The following CNTNAP5 variants were observed in gnomAD, a reference collection of about 807,000 sequenced individuals.
The protein encoded by CNTNAP5 is contactin-associated protein-like 5.
Under a neutral mutation model 150.2 loss-of-function variants are expected in CNTNAP5, and 72 were observed. That is an observed-to-expected ratio of 0.48 (90% CI 0.40 to 0.58). The LOEUF (loss-of-function observed/expected upper bound fraction) is 0.58, where lower values mean the gene tolerates loss of function less well. CNTNAP5 is among the 20% of genes least tolerant of loss of function. The pLI, the probability that CNTNAP5 is intolerant of heterozygous loss-of-function variation, is 0.00. For missense variants in CNTNAP5, 1,636 were observed against 1,626.2 expected, an observed-to-expected ratio of 1.01 and a Z score of -0.10; for synonymous variants, 672 against 619.8, an observed-to-expected ratio of 1.08 and a Z score of -1.25.
At chr2:124,357,089 C>A (rs1176916307) in intron 3 of CNTNAP5, among the ~76,000 whole-genome samples, 1 of 152,162 alleles carries the variant, frequency 6.6e-6, no homozygotes, top group Admixed American at 6.5e-5. Context: ...GTGCTTTTGG[C>A]TGCATAAATG....
chr2:124,622,260 T>C (rs1397251642), intron 12 of CNTNAP5, among the ~76,000 whole-genome samples: 2 of 152,184 alleles, frequency 1.3e-5, no homozygotes, highest in Non-Finnish European at 2.9e-5. Flanking sequence ...CTGAGGATAA[T>C]GGCTTCCACC....
At chr2:124,358,383 GT>G (rs1284833373) in intron 3 of CNTNAP5, among the ~76,000 whole-genome samples, 4 of 152,146 alleles carry the variant, frequency 2.6e-5, no homozygotes, top group African/African-American at 9.7e-5. Context: ...TCTTGTGCCA[GT>G]TTTCAAAGGG....
At chr2:124,198,399 C>G (rs913124271) in intron 1 of CNTNAP5, among the ~76,000 whole-genome samples, 2 of 152,060 alleles carry the variant, frequency 1.3e-5, no homozygotes, top group Non-Finnish European at 2.9e-5. Context: ...TATACAGAAG[C>G]GCTTAGTTTT....
intron 11 of CNTNAP5, among the ~76,000 whole-genome samples, chr2:124,588,141 TCC>T (rs1481217481): frequency 2.1e-4 from 29 of 141,006 alleles, no homozygotes; most frequent in African/African-American, 6.8e-4. Context: ...TTTCCTTCCT[TCC>T]TTCCTTCCTT....
intron 1 of CNTNAP5, among the ~76,000 whole-genome samples, chr2:124,126,446 C>A (rs567616530): frequency 1.3e-5 from 2 of 152,200 alleles, no homozygotes; most frequent in South Asian, 2.1e-4. Context: ...AAGTCCAGGA[C>A]CTGATGGAGT....
At chr2:124,608,962 A>G (rs1677312362) in intron 11 of CNTNAP5, among the ~76,000 whole-genome samples, 1 of 152,060 alleles carries the variant, frequency 6.6e-6, no homozygotes, top group Non-Finnish European at 1.5e-5. Flanking sequence ...AAAAAAAGAA[A>G]AAGTCTTTAA....
At chr2:124,446,732 G>A (rs1214693917) in intron 5 of CNTNAP5, 21 bp from the exon 6 acceptor site, 1 of 1,607,278 alleles carries the variant, frequency 6.2e-7, no homozygotes, top group Admixed American at 1.7e-5. Flanking sequence ...ACATCATCTT[G>A]CCTCTCTCCC....
intron 1 of CNTNAP5, among the ~76,000 whole-genome samples, chr2:124,123,551 A>C (rs568888277): frequency 6.6e-6 from 1 of 152,244 alleles, no homozygotes; most frequent in East Asian, 1.9e-4. Flanking sequence ...CTTTGAAGAG[A>C]GTAGTGGTTC....
At chr2:124,250,993 G>A (rs1419358520) in intron 3 of CNTNAP5, among the ~76,000 whole-genome samples, 3 of 152,094 alleles carry the variant, frequency 2.0e-5, no homozygotes, top group Non-Finnish European at 2.9e-5. Flanking sequence ...CTGATTATGT[G>A]AGGCTAATAA....
chr2:124,874,871 T>C (rs1419570222), intron 21 of CNTNAP5, among the ~76,000 whole-genome samples: 1 of 152,050 alleles, frequency 6.6e-6, no homozygotes, highest in African/African-American at 2.4e-5. Flanking sequence ...CTTGCCAGTT[T>C]GATAGGCCTA....
intron 3 of CNTNAP5, among the ~76,000 whole-genome samples, chr2:124,278,598 A>T (rs1357569697): frequency 6.6e-6 from 1 of 152,180 alleles, no homozygotes; most frequent in Non-Finnish European, 1.5e-5. Context: ...CTTCAACTGA[A>T]TGATCAAGAG....
intron 17 of CNTNAP5, among the ~76,000 whole-genome samples, chr2:124,773,904 G>A (rs1262625686): frequency 1.3e-5 from 1 of 75,180 alleles, no homozygotes; most frequent in Admixed American, 1.9e-4. Flanking sequence ...AAACATAAGG[G>A]AGTGCGTGTG....
chr2:124,166,300 G>A (rs911489443), intron 1 of CNTNAP5, among the ~76,000 whole-genome samples: 6 of 152,066 alleles, frequency 3.9e-5, no homozygotes, highest in African/African-American at 1.2e-4. Flanking sequence ...AGCATCATGT[G>A]GGAGATTTTA....
intron 3 of CNTNAP5, among the ~76,000 whole-genome samples, chr2:124,264,151 T>C (rs186147071): frequency 6.6e-6 from 1 of 152,190 alleles, no homozygotes; most frequent in Non-Finnish European, 1.5e-5. Context: ...AGACTCCCCT[T>C]AAAAACTGTC....
At chr2:124,783,350 G>C (rs1681493969) in intron 17 of CNTNAP5, among the ~76,000 whole-genome samples, 1 of 152,012 alleles carries the variant, frequency 6.6e-6, no homozygotes. Context: ...TCCCCATATA[G>C]AATTACCATG....
intron 6 of CNTNAP5, among the ~76,000 whole-genome samples, chr2:124,456,204 G>T (rs1163559528): frequency 2.6e-5 from 4 of 152,120 alleles, no homozygotes; most frequent in East Asian, 1.9e-4. Flanking sequence ...ACTGATAAAA[G>T]AATTCAGCAA....
intron 3 of CNTNAP5, among the ~76,000 whole-genome samples, chr2:124,266,928 A>C (rs756329192): frequency 1.3e-5 from 2 of 152,072 alleles, no homozygotes; most frequent in Non-Finnish European, 2.9e-5. Context: ...TTGCTGGCTT[A>C]AGCATAATAT....
At chr2:124,225,911 T>C (rs1175175978) in intron 2 of CNTNAP5, among the ~76,000 whole-genome samples, 1 of 152,206 alleles carries the variant, frequency 6.6e-6, no homozygotes, top group East Asian at 1.9e-4. Context: ...CTTAGTACAA[T>C]GCCCACTAGG....
At chr2:124,592,391 G>C (rs1174014952) in intron 11 of CNTNAP5, among the ~76,000 whole-genome samples, 1 of 151,392 alleles carries the variant, frequency 6.6e-6, no homozygotes, top group African/African-American at 2.4e-5. Flanking sequence ...GTGTGTGTGT[G>C]TGTATCAAAA....
Sources: gnomAD v4.1 joint callset for allele counts (sites outside exome capture counted in the v4.1 genomes callset) on GRCh38, gnomAD v4.1.1 for gene constraint, MANE v1.5 for transcripts, NCBI Gene and HGNC (gene_info 2026-07-23, HGNC 2026-07-21) for gene names.